Variants in CDH23 observed in about 807,000 individuals in gnomAD.
CDH23 encodes cadherin related 23, also known as cadherin-23.
A neutral mutation model predicts 317.1 loss-of-function variants in CDH23; 189 were observed. The observed-to-expected ratio is 0.60, with a 90% confidence interval of 0.53 to 0.67. The LOEUF is 0.67. Ranked by LOEUF, CDH23 falls within the 30% of genes least tolerant of loss-of-function variation. The probability of loss-of-function intolerance (pLI) is 0.00; values close to 1 mark genes in which losing one functional copy is unlikely to be tolerated. For synonymous variants in CDH23, 1,839 were observed against 1,876.8 expected (o/e 0.98, Z 0.52); for missense variants, 4,401 against 4,592.4 (o/e 0.96, Z 1.20).
intron 28 of CDH23, chr10:71,716,112 G>A (rs1176092267): frequency 1.3e-6 from 2 of 1,546,918 alleles, no homozygotes; most frequent in East Asian, 2.4e-5. Context: ...GGGTGGTGGG[G>A]CATGCACTCG....
intron 14 of CDH23, among the ~76,000 whole-genome samples, chr10:71,653,467 G>A (rs541007470): frequency 3.2e-4 from 48 of 152,198 alleles, no homozygotes; most frequent in Non-Finnish European, 5.4e-4. Context: ...ACTCTAACAT[G>A]GGTTCTACTC....
At chr10:71,535,224 G>A (rs1309473643) in intron 6 of CDH23, among the ~76,000 whole-genome samples, 2 of 152,320 alleles carry the variant, frequency 1.3e-5, no homozygotes, top group South Asian at 4.1e-4. Context: ...GTAACCTCTG[G>A]GTAAGCCCAA....
chr10:71,464,561 C>G (rs16928898), intron 3 of CDH23, among the ~76,000 whole-genome samples: 4,483 of 151,938 alleles, frequency 0.03, 167 homozygotes, highest in East Asian at 0.12. Context: ...GAGGACTTGT[C>G]TCATCTGGAA....
At chr10:71,572,607 G>A (rs1857893037) in intron 8 of CDH23, among the ~76,000 whole-genome samples, 2 of 152,144 alleles carry the variant, frequency 1.3e-5, no homozygotes, top group Admixed American at 1.3e-4. Context: ...CCGCCCCTGT[G>A]CCTGCTCTTG....
intron 6 of CDH23, among the ~76,000 whole-genome samples, chr10:71,559,622 T>C (rs1255140847): frequency 6.6e-6 from 1 of 151,904 alleles, no homozygotes; most frequent in Non-Finnish European, 1.5e-5. Context: ...GACTTGGAGA[T>C]GGGAGGGTGC....
intron 14 of CDH23, among the ~76,000 whole-genome samples, chr10:71,670,916 C>T (rs1311518666): frequency 6.6e-6 from 1 of 151,660 alleles, no homozygotes; most frequent in Non-Finnish European, 1.5e-5. Context: ...GAGGGAGGAG[C>T]CTGGAGCACA....
chr10:71,626,287 A>G (rs1861730329), intron 11 of CDH23, among the ~76,000 whole-genome samples: 2 of 152,274 alleles, frequency 1.3e-5, no homozygotes, highest in South Asian at 4.1e-4. Flanking sequence ...TAGTCCCTGT[A>G]CTGCGCTAAC....
At chr10:71,488,773 A>G (rs888273060) in intron 3 of CDH23, among the ~76,000 whole-genome samples, 8 of 152,096 alleles carry the variant, frequency 5.3e-5, no homozygotes, top group Admixed American at 4.6e-4. Flanking sequence ...TTTCCTACTT[A>G]TCCCTAGTGG....
At chr10:71,495,883 G>T (rs955514093) in intron 3 of CDH23, among the ~76,000 whole-genome samples, 3 of 151,882 alleles carry the variant, frequency 2.0e-5, no homozygotes, top group Admixed American at 6.6e-5. Context: ...CTAGGACCTG[G>T]ACTCATGGAA....
At chr10:71,607,395 G>T (rs7090641) in intron 9 of CDH23, among the ~76,000 whole-genome samples, 48,124 of 152,178 alleles carry the variant, frequency 0.32, 9,315 homozygotes, top group East Asian at 0.53. Context: ...TTTTAACCTC[G>T]CTGTGCCTCA....
intron 3 of CDH23, among the ~76,000 whole-genome samples, chr10:71,456,561 CG>C (rs1850707500): frequency 6.6e-6 from 1 of 152,048 alleles, no homozygotes; most frequent in African/African-American, 2.4e-5. Context: ...GTTTTGGATG[CG>C]GCCATAATAA....
chr10:71,516,307 G>A (rs1429509167), intron 6 of CDH23, among the ~76,000 whole-genome samples: 3 of 152,172 alleles, frequency 2.0e-5, no homozygotes, highest in African/African-American at 2.4e-5. Flanking sequence ...GGGAAGGGCT[G>A]GAGCTGGGGT....
In CDH23 at chr10:71,756,196, C is replaced by T. The variant is rs1176063530; in HGVS notation, c.4845+14275C>T. ...AAAAAATATTCGAATCTCCTCCTCC[C>T]CTTGTACCAAGACCCCCTCTGAAGA... On this transcript the variant is annotated intron_variant, in intron 38 of 69. Coordinates refer to ENST00000224721, the MANE Select transcript of CDH23 (RefSeq NM_022124.6). Among the ~76,000 whole-genome samples the T allele has an allele frequency of 2.6e-5, 4 of 152,172 alleles. No individual in the cohort carries two copies. The East Asian group carries it at 5.8e-4, about 22-fold the overall frequency.
At chr10:71,438,235 C>T (rs1437331470) in intron 1 of CDH23, among the ~76,000 whole-genome samples, 3 of 149,514 alleles carry the variant, frequency 2.0e-5, no homozygotes, top group African/African-American at 4.9e-5. Flanking sequence ...CCCAGCTACT[C>T]GGGGGGGCTG....
intron 9 of CDH23, among the ~76,000 whole-genome samples, chr10:71,603,202 C>T (rs1032769329): frequency 1.3e-5 from 2 of 152,140 alleles, no homozygotes; most frequent in African/African-American, 2.4e-5. Flanking sequence ...GCGCGTGCCC[C>T]CTCCTCCTGC....
chr10:71,573,396 G>A (rs998641276), intron 8 of CDH23, among the ~76,000 whole-genome samples: 1 of 152,154 alleles, frequency 6.6e-6, no homozygotes. Flanking sequence ...TCCATCCATT[G>A]GGTCTGCACT....
intron 11 of CDH23, among the ~76,000 whole-genome samples, chr10:71,640,037 G>C (rs1564703369): frequency 6.6e-6 from 1 of 152,116 alleles, no homozygotes; most frequent in Non-Finnish European, 1.5e-5. Context: ...CCAGCCCCTG[G>C]CAGCAAATCA....
chr10:71,482,022 G>A (rs572546768), intron 3 of CDH23, among the ~76,000 whole-genome samples: 3 of 152,178 alleles, frequency 2.0e-5, no homozygotes, highest in Non-Finnish European at 4.4e-5. Flanking sequence ...CACCCTCCCC[G>A]TCCAGAGCAT....
intron 6 of CDH23, among the ~76,000 whole-genome samples, chr10:71,527,473 C>T (rs971829648): frequency 1.3e-5 from 2 of 152,206 alleles, no homozygotes; most frequent in African/African-American, 4.8e-5. Flanking sequence ...CTGTGTGTAG[C>T]CCTTCAAGGT....
Sources: allele counts gnomAD v4.1 joint callset (sites outside exome capture counted in the v4.1 genomes callset), GRCh38; gene constraint gnomAD v4.1.1; transcripts MANE v1.5; gene names NCBI Gene and HGNC (gene_info 2026-07-23, HGNC 2026-07-21).